Variants in SHOC2 observed in about 807,000 individuals in gnomAD.
The protein encoded by SHOC2 is leucine-rich repeat protein SHOC-2.
In SHOC2, 4 loss-of-function variants were observed where a neutral mutation model predicts 50.2. That is an observed-to-expected ratio of 0.08 (90% confidence interval 0.04 to 0.18). SHOC2 has a LOEUF of 0.18. Ranked by LOEUF, SHOC2 falls within the 10% of genes least tolerant of loss-of-function variation. The probability of loss-of-function intolerance (pLI) is 1.00; values close to 1 mark genes in which losing one functional copy is unlikely to be tolerated. For synonymous variants in SHOC2, 218 were observed against 244.5 expected (o/e 0.89, Z 1.01); for missense variants, 388 against 669.6 (o/e 0.58, Z 4.64).
chr10:110,938,618 T>G (rs975767547), intron 1 of SHOC2, among the ~76,000 whole-genome samples: 3 of 152,208 alleles, frequency 2.0e-5, no homozygotes, highest in Non-Finnish European at 4.4e-5. Context: ...TTGGGATATC[T>G]TCTATGTAAT....
intron 1 of SHOC2, among the ~76,000 whole-genome samples, chr10:110,923,547 A>G (rs1424714255): frequency 6.6e-6 from 1 of 152,162 alleles, no homozygotes; most frequent in Non-Finnish European, 1.5e-5. Context: ...TTCTTGAGAA[A>G]GCATGCAGTT....
Position 111,007,660 on chromosome 10 carries a change from A to G in SHOC2, c.1284+7A>G. On this transcript the variant is annotated splice_region_variant and intron_variant, in intron 6 of 8. Coordinates refer to ENST00000369452, the MANE Select transcript of SHOC2 (RefSeq NM_007373.4). ...TGGTCTCGTTTCTCTTGAGGTTAGTATAAATGAGCAATTAGAGAACTTCAG... is the reference window on the plus strand; with the variant it reads ...TGGTCTCGTTTCTCTTGAGGTTAGTGTAAATGAGCAATTAGAGAACTTCAG... The G allele has an allele frequency of 6.2e-7, 1 of 1,613,380 alleles. No homozygotes were observed. Among genetic ancestry groups the G allele is most frequent in the Non-Finnish European group, 8.5e-7 (1 of 1,179,494 alleles).
intron 1 of SHOC2, among the ~76,000 whole-genome samples, chr10:110,924,455 A>T (rs1047244889): frequency 1.3e-5 from 2 of 152,192 alleles, no homozygotes; most frequent in African/African-American, 4.8e-5. Context: ...AAGGTTAGAT[A>T]TGTTTAGGTC....
chr10:111,010,662 C>T (rs1590840124), intron 8 of SHOC2, among the ~76,000 whole-genome samples: 2 of 128,404 alleles, frequency 1.6e-5, no homozygotes, highest in African/African-American at 5.9e-5. Context: ...GTACATGTAC[C>T]CTAGAACTTA....
At chr10:111,003,534 C>T (rs1352109359) in intron 4 of SHOC2, among the ~76,000 whole-genome samples, 1 of 152,088 alleles carries the variant, frequency 6.6e-6, no homozygotes, top group Admixed American at 6.5e-5. Context: ...TTAGTCTTCA[C>T]TATGGCCCAT....
intron 3 of SHOC2, chr10:110,988,882 G>GT: frequency 2.2e-6 from 1 of 462,300 alleles, no homozygotes; most frequent in East Asian, 7.0e-5. Context: ...CCTTTTAAAA[G>GT]TTTTTTCTAA....
intron 4 of SHOC2, among the ~76,000 whole-genome samples, chr10:111,003,670 T>C (rs1848419926): frequency 6.6e-6 from 1 of 152,164 alleles, no homozygotes; most frequent in African/African-American, 2.4e-5. Flanking sequence ...TCTCAGATGT[T>C]AATGAGCATG....
intron 3 of SHOC2, among the ~76,000 whole-genome samples, chr10:110,998,754 T>C (rs1426499273): frequency 6.6e-6 from 1 of 152,226 alleles, no homozygotes; most frequent in Non-Finnish European, 1.5e-5. Flanking sequence ...TTTTTTATTA[T>C]CAATGACTGA....
intron 1 of SHOC2, among the ~76,000 whole-genome samples, chr10:110,928,274 A>G (rs183688375): frequency 2.6e-5 from 4 of 152,050 alleles, no homozygotes; most frequent in Non-Finnish European, 1.5e-5. Context: ...CTGAGATCAC[A>G]CTACTGCACT....
chr10:110,937,806 G>C (rs1036383598), intron 1 of SHOC2, among the ~76,000 whole-genome samples: 8 of 152,154 alleles, frequency 5.3e-5, no homozygotes, highest in Non-Finnish European at 1.0e-4. Context: ...TCAGTTTGTA[G>C]TTATGAAGTC....
intron 1 of SHOC2, among the ~76,000 whole-genome samples, chr10:110,940,502 T>C (rs2134089772): frequency 6.6e-6 from 1 of 152,332 alleles, no homozygotes; most frequent in East Asian, 1.9e-4. Flanking sequence ...ATGTTCAAAG[T>C]ATAATGTGAT....
intron 1 of SHOC2, among the ~76,000 whole-genome samples, chr10:110,951,136 A>G (rs1467983925): frequency 1.3e-5 from 2 of 152,224 alleles, no homozygotes; most frequent in Non-Finnish European, 2.9e-5. Context: ...CAAACCATAC[A>G]TTTAATAAAG....
At chr10:110,954,548 A>G (rs1222159676) in intron 1 of SHOC2, among the ~76,000 whole-genome samples, 2 of 152,218 alleles carry the variant, frequency 1.3e-5, no homozygotes, top group Non-Finnish European at 2.9e-5. Context: ...TAAAACAGGA[A>G]CTGATAAAGA....
chr10:110,925,220 CTTTT>C (rs1035430879), intron 1 of SHOC2, among the ~76,000 whole-genome samples: 1 of 149,884 alleles, frequency 6.7e-6, no homozygotes, highest in Non-Finnish European at 1.5e-5. Context: ...AAAATGTACT[CTTTT>C]TTGAGTACAC....
chr10:110,983,674 A>G (rs895742408), intron 2 of SHOC2, among the ~76,000 whole-genome samples: 1 of 152,120 alleles, frequency 6.6e-6, no homozygotes, highest in Non-Finnish European at 1.5e-5. Context: ...ATAAGTCCTC[A>G]TTCCCCTCTC....
chr10:110,986,642 T>G (rs2134150528), intron 3 of SHOC2, among the ~76,000 whole-genome samples: 1 of 151,988 alleles, frequency 6.6e-6, no homozygotes, highest in African/African-American at 2.4e-5. Context: ...CCTGGCTAAT[T>G]TTTTTCTATT....
chr10:110,962,363 T>C (rs1184397399), intron 1 of SHOC2, among the ~76,000 whole-genome samples: 1 of 152,194 alleles, frequency 6.6e-6, no homozygotes, highest in African/African-American at 2.4e-5. Flanking sequence ...AGTTGTATGG[T>C]TTTAGTAAAT....
intron 1 of SHOC2, among the ~76,000 whole-genome samples, chr10:110,935,995 T>C (rs973318653): frequency 6.6e-6 from 1 of 152,184 alleles, no homozygotes; most frequent in Non-Finnish European, 1.5e-5. Flanking sequence ...CATCAAGTAT[T>C]TTCTTAAAGT....
At position 110,989,030 on chromosome 10, in the gene SHOC2, C is replaced by T. The variant is rs1262996640; in HGVS notation, c.841+3265C>T. ...CTGATAGAAGAATGTTATTTTGTTC[C>T]CAAAAGCTTGACAATTTTCCATGAT... On this transcript the variant is annotated intron_variant, in intron 3 of 8. Coordinates refer to ENST00000369452, the MANE Select transcript of SHOC2 (RefSeq NM_007373.4). The T allele has an allele frequency of 7.9e-6, 4 of 503,604 alleles. No individual in the cohort carries two copies. In the East Asian group the frequency reaches 1.7e-4, roughly 21 times the overall value. The allele number at this position is 503,604 out of a possible 1,614,324, so 31.2% of individuals were successfully genotyped here.
Sources: allele counts gnomAD v4.1 joint callset (sites outside exome capture counted in the v4.1 genomes callset), GRCh38; gene constraint gnomAD v4.1.1; transcripts MANE v1.5; gene names NCBI Gene and HGNC (gene_info 2026-07-23, HGNC 2026-07-21).